Variants in PRPSAP2 observed in about 807,000 individuals in gnomAD.
PRPSAP2 encodes the protein phosphoribosyl pyrophosphate synthetase associated protein 2.
PRPSAP2 carries 24 observed loss-of-function variants against 40.6 expected under a neutral mutation model. The ratio of observed to expected loss-of-function variants is 0.59; its 90% CI spans 0.43 to 0.83. The LOEUF (loss-of-function observed/expected upper bound fraction) is 0.83, where lower values mean the gene tolerates loss of function less well. PRPSAP2 is among the 40% of genes least tolerant of loss of function. The pLI is 0.00. For missense variants in PRPSAP2, 292 were observed against 465.6 expected, an observed-to-expected ratio of 0.63 and a Z score of 3.43; for synonymous variants, 149 against 164.7, an observed-to-expected ratio of 0.90 and a Z score of 0.73.
intron 9 of PRPSAP2, among the ~76,000 whole-genome samples, chr17:18,912,819 G>A (rs959321051): frequency 1.8e-4 from 27 of 152,280 alleles, no homozygotes; most frequent in African/African-American, 6.0e-4. Flanking sequence ...AGGGTTGCTT[G>A]AGGCCAGGAG....
intron 9 of PRPSAP2, among the ~76,000 whole-genome samples, chr17:18,922,934 C>T (rs1597760051): frequency 6.6e-6 from 1 of 151,634 alleles, no homozygotes. Flanking sequence ...CCACCTCGGC[C>T]TCCCAAAGTA....
At chr17:18,858,504 G>C (rs1201950120) in intron 1 of PRPSAP2, 3 of 152,534 alleles carry the variant, frequency 2.0e-5, no homozygotes, top group African/African-American at 4.8e-5. Flanking sequence ...CCGGTGCCTG[G>C]GCTCTCTCCT....
At chr17:18,876,137 A>G (rs1192375734) in intron 5 of PRPSAP2, among the ~76,000 whole-genome samples, 1 of 152,196 alleles carries the variant, frequency 6.6e-6, no homozygotes, top group Non-Finnish European at 1.5e-5. Flanking sequence ...CCGTCTCAAA[A>G]ACAAACAAAC....
At chr17:18,920,347 A>G (rs1267173059) in intron 9 of PRPSAP2, among the ~76,000 whole-genome samples, 1 of 152,186 alleles carries the variant, frequency 6.6e-6, no homozygotes, top group Non-Finnish European at 1.5e-5. Flanking sequence ...AAATGAGTTC[A>G]TAGGACTGGA....
Position 18,911,911 on chromosome 17 carries a change from G to A in PRPSAP2, c.733+660G>A, listed in dbSNP as rs571383533. Among the ~76,000 whole-genome samples, 63 of 151,496 alleles carry A rather than the reference G, an allele frequency of 4.2e-4. No individual in the cohort carries two copies. Among genetic ancestry groups the A allele is most frequent in the Admixed American group, 1.1e-3 (17 of 15,224 alleles). ...ACTGACCCCGTGATGGGCCGGGCACGGTGGCTCACGCCTGTAATCCCAACA... is the reference window on the plus strand; with the variant it reads ...ACTGACCCCGTGATGGGCCGGGCACAGTGGCTCACGCCTGTAATCCCAACA... On this transcript the variant is annotated intron_variant, in intron 9 of 11. Coordinates refer to ENST00000268835, the MANE Select transcript of PRPSAP2 (RefSeq NM_002767.4). This position sits in a 1 kb window ranked among gnomAD's most constrained non-coding sequence, Gnocchi z 4.5.
intron 8 of PRPSAP2, among the ~76,000 whole-genome samples, chr17:18,910,438 CA>C (rs916825723): frequency 6.6e-6 from 1 of 151,844 alleles, no homozygotes; most frequent in Non-Finnish European, 1.5e-5. Flanking sequence ...AAAAATCAGA[CA>C]AAAAAAGGCA....
intron 4 of PRPSAP2, among the ~76,000 whole-genome samples, chr17:18,869,386 G>A (rs891669649): frequency 6.7e-6 from 1 of 148,580 alleles, no homozygotes; most frequent in Non-Finnish European, 1.5e-5. Context: ...CACTCAGGCT[G>A]GGGTGTAGTG....
intron 8 of PRPSAP2, among the ~76,000 whole-genome samples, chr17:18,907,667 T>G (rs1209259643): frequency 6.6e-6 from 1 of 152,176 alleles, no homozygotes; most frequent in Admixed American, 6.6e-5. Flanking sequence ...TTGATAATTA[T>G]GCAAGCCATA....
chr17:18,885,582 A>G (rs1567698855), intron 7 of PRPSAP2, among the ~76,000 whole-genome samples: 1 of 151,036 alleles, frequency 6.6e-6, no homozygotes, highest in Admixed American at 6.6e-5. Flanking sequence ...TATCTGGCTA[A>G]TTTTTGTTTT....
intron 11 of PRPSAP2, among the ~76,000 whole-genome samples, chr17:18,929,183 C>G (rs774413081): frequency 6.6e-6 from 1 of 151,948 alleles, no homozygotes; most frequent in Non-Finnish European, 1.5e-5. Context: ...AGGGTGAAAC[C>G]CCGTCTCTAC....
At chr17:18,882,058 G>T (rs943770606) in intron 6 of PRPSAP2, among the ~76,000 whole-genome samples, 1 of 143,866 alleles carries the variant, frequency 7.0e-6, no homozygotes, top group African/African-American at 2.6e-5. Flanking sequence ...TCAGGCTGGC[G>T]TTGAACTCCT....
intron 6 of PRPSAP2, 112 bp downstream of exon 6, chr17:18,877,982 C>A: frequency 8.4e-7 from 1 of 1,184,336 alleles, no homozygotes; most frequent in Non-Finnish European, 1.2e-6. Context: ...AGTGTAGTGG[C>A]GTGATCATAG....
At chr17:18,866,326 A>C (rs1205445191) in intron 3 of PRPSAP2, among the ~76,000 whole-genome samples, 1 of 152,240 alleles carries the variant, frequency 6.6e-6, no homozygotes, top group South Asian at 2.1e-4. Flanking sequence ...GCACTTTGGG[A>C]GGCCAAGGCG....
chr17:18,921,707 G>A (rs2041699833), intron 9 of PRPSAP2, among the ~76,000 whole-genome samples: 1 of 152,180 alleles, frequency 6.6e-6, no homozygotes, highest in East Asian at 1.9e-4. Context: ...CTCACAGTAC[G>A]TAGGGTGGTC....
In PRPSAP2 at chr17:18,914,249, C is replaced by CTTTTTTTTTTTTTTTT. The variant is rs60892883; in HGVS notation, c.733+3009_733+3024dup. Among the ~76,000 whole-genome samples the CTTTTTTTTTTTTTTTT allele has an allele frequency of 1.2e-3, 56 of 48,104 alleles. 4 individuals are homozygous for CTTTTTTTTTTTTTTTT. Among genetic ancestry groups the CTTTTTTTTTTTTTTTT allele is most frequent in the Non-Finnish European group, 1.4e-3 (40 of 29,028 alleles). The allele number at this position is 48,104 out of a possible 152,430, so 31.6% of individuals were successfully genotyped here. A position where few individuals can be genotyped will look rare whatever the true frequency, so the allele number is the denominator to read the frequency against. On this transcript the variant is annotated intron_variant, in intron 9 of 11. Transcript: ENST00000268835. ...GAGTTCTGTCCTGAACATGTTTTTG[C>CTTTTTTTTTTTTTTTT]TTTTTTTTTTTTTTTTTTTTTTTTT...
At chr17:18,868,042 G>A (rs1187811314) in intron 4 of PRPSAP2, among the ~76,000 whole-genome samples, 1 of 152,032 alleles carries the variant, frequency 6.6e-6, no homozygotes, top group African/African-American at 2.4e-5. Flanking sequence ...AGGCTGAGGT[G>A]GAAGGATCGC....
chr17:18,912,184 GA>G (rs915822327), intron 9 of PRPSAP2, among the ~76,000 whole-genome samples: 28 of 141,412 alleles, frequency 2.0e-4, no homozygotes, highest in Admixed American at 2.1e-4. Context: ...CTCCTTCTCA[GA>G]AAAAAAAAAA....
intron 8 of PRPSAP2, chr17:18,908,557 G>T: frequency 1.3e-6 from 1 of 745,730 alleles, no homozygotes; most frequent in South Asian, 1.4e-5. Flanking sequence ...AGACCCTGAA[G>T]ATCTGTGCTA....
At position 18,872,520 on chromosome 17, in the gene PRPSAP2, T is replaced by C. The variant is rs2037966906; in HGVS notation, c.173-63T>C. The C allele has an allele frequency of 3.2e-6, 4 of 1,247,330 alleles. No individual in the cohort carries two copies. The East Asian group carries it at 9.3e-5, about 29-fold the overall frequency. 77.3% of individuals were successfully genotyped at this position (1,247,330 alleles called of 1,614,324 possible). On this transcript the variant is annotated intron_variant, in intron 4 of 11. Transcript: ENST00000268835. ...CATTAGGGAATAATACAGATTTTTT[T>C]GTGTATTTTGAAAAATTTGAACTAT...
Sources: allele counts gnomAD v4.1 joint callset (sites outside exome capture counted in the v4.1 genomes callset), GRCh38; gene constraint gnomAD v4.1.1; non-coding constraint Gnocchi (gnomAD v3.1); transcripts MANE v1.5; gene names NCBI Gene and HGNC (gene_info 2026-07-23, HGNC 2026-07-21).